Variants in TTC29 observed in about 807,000 individuals in gnomAD.
TTC29 encodes tetratricopeptide repeat protein 29.
TTC29 carries 49 observed loss-of-function variants against 58.1 expected under a neutral mutation model. The ratio of observed to expected loss-of-function variants is 0.84; its 90% CI spans 0.67 to 1.07. The LOEUF (loss-of-function observed/expected upper bound fraction) is 1.07. TTC29 is among the 50% of genes least tolerant of loss of function. TTC29 has a pLI of 0.00. For synonymous variants in TTC29, 209 were observed against 196.8 expected (o/e 1.06, Z -0.52); for missense variants, 582 against 555.6 (o/e 1.05, Z -0.48).
chr4:146,733,641 C>T (rs1744508708), intron 11 of TTC29, among the ~76,000 whole-genome samples: 1 of 152,106 alleles, frequency 6.6e-6, no homozygotes. Flanking sequence ...AACTGGCTTT[C>T]ATCTTAAGGA....
intron 8 of TTC29, among the ~76,000 whole-genome samples, chr4:146,859,112 A>G (rs1402054754): frequency 6.6e-6 from 1 of 152,162 alleles, no homozygotes. Flanking sequence ...TGCAGCCAGG[A>G]GATGATAGGG....
chr4:146,894,741 T>G (rs1009462487), intron 6 of TTC29, among the ~76,000 whole-genome samples: 1 of 152,102 alleles, frequency 6.6e-6, no homozygotes, highest in Admixed American at 6.6e-5. Flanking sequence ...TAGTTCCTTA[T>G]AGCAATGTGA....
At chr4:146,838,244 GA>G (rs1349819779) in intron 8 of TTC29, among the ~76,000 whole-genome samples, 1 of 151,852 alleles carries the variant, frequency 6.6e-6, no homozygotes, top group Non-Finnish European at 1.5e-5. Flanking sequence ...ATACTCATCA[GA>G]AAAAAATGAG....
intron 11 of TTC29, among the ~76,000 whole-genome samples, chr4:146,796,862 A>G (rs1382615925): frequency 6.6e-6 from 1 of 152,166 alleles, no homozygotes; most frequent in East Asian, 1.9e-4. Context: ...CTCATAGCAA[A>G]TAGAAAGCCA....
chr4:146,882,670 T>G, intron 6 of TTC29, among the ~76,000 whole-genome samples: 1 of 152,074 alleles, frequency 6.6e-6, no homozygotes, highest in Non-Finnish European at 1.5e-5. Flanking sequence ...TCAATTTGAT[T>G]TCTATATGTT....
chr4:146,791,539 G>A (rs76211377), intron 11 of TTC29, among the ~76,000 whole-genome samples: 1 of 151,910 alleles, frequency 6.6e-6, no homozygotes, highest in Non-Finnish European at 1.5e-5. Flanking sequence ...CCCCCTCCTT[G>A]GGCCTCCCTA....
intron 4 of TTC29, among the ~76,000 whole-genome samples, chr4:146,930,084 C>CATATATATATATATATATAT (rs70958534): frequency 1.4e-4 from 11 of 77,456 alleles, no homozygotes; most frequent in African/African-American, 3.0e-4. Context: ...TGTGTGTGTG[C>CATATATATATATATATATAT]ATATATATAT....
chr4:146,753,294 TG>T (rs1252040933), intron 11 of TTC29, among the ~76,000 whole-genome samples: 1 of 152,014 alleles, frequency 6.6e-6, no homozygotes, highest in East Asian at 1.9e-4. Context: ...AAAAAACACA[TG>T]AAAAAATGCT....
chr4:146,728,663 T>C (rs1046349740), intron 11 of TTC29, among the ~76,000 whole-genome samples: 4 of 148,396 alleles, frequency 2.7e-5, no homozygotes, highest in African/African-American at 9.9e-5. Context: ...TCTCTCTCTA[T>C]ATATATACAC....
chr4:146,804,213 G>C (rs577402693), intron 10 of TTC29, among the ~76,000 whole-genome samples: 1 of 152,286 alleles, frequency 6.6e-6, no homozygotes, highest in East Asian at 1.9e-4. Flanking sequence ...GTGCTCTGTG[G>C]CCCAGGTATT....
At chr4:146,831,779 A>C in intron 9 of TTC29, 2 of 444,090 alleles carry the variant, frequency 4.5e-6, no homozygotes, top group South Asian at 1.6e-5. Flanking sequence ...AATTATTTGA[A>C]GACAGACTCA....
rs1487352356 is a variant in TTC29, at chr4:146,758,117, C to T, written c.1330+45340G>A. 3.3e-5 allele frequency among the ~76,000 whole-genome samples: 5 copies of T among 152,024 alleles called. No homozygotes were observed. The East Asian group carries it at 9.6e-4, about 29-fold the overall frequency. ...AGGAGACTTACCTAGAACATATGGACTCACATAAACTTAAAGGGGTGGAAA... is the reference window on the plus strand; with the variant it reads ...AGGAGACTTACCTAGAACATATGGATTCACATAAACTTAAAGGGGTGGAAA... On this transcript the variant is annotated intron_variant, in intron 11 of 12. Coordinates refer to ENST00000325106, the MANE Select transcript of TTC29 (RefSeq NM_031956.4).
intron 6 of TTC29, among the ~76,000 whole-genome samples, chr4:146,895,670 CT>C (rs1234686006): frequency 6.6e-6 from 1 of 152,114 alleles, no homozygotes; most frequent in African/African-American, 2.4e-5. Flanking sequence ...AGAATAGAGA[CT>C]CTGATTAGAA....
At chr4:146,857,617 G>T (rs890050975) in intron 8 of TTC29, among the ~76,000 whole-genome samples, 10 of 152,104 alleles carry the variant, frequency 6.6e-5, no homozygotes, top group Non-Finnish European at 1.3e-4. Flanking sequence ...ATGATAACCA[G>T]CCATCCTCTG....
intron 6 of TTC29, among the ~76,000 whole-genome samples, chr4:146,876,062 G>A (rs10001365): frequency 0.48 from 73,695 of 152,004 alleles, 18,721 homozygotes; most frequent in African/African-American, 0.62. Flanking sequence ...TGTGGGCTCC[G>A]AGCAGACAGC....
At chr4:146,817,233 G>C (rs1487713560) in intron 10 of TTC29, among the ~76,000 whole-genome samples, 2 of 152,206 alleles carry the variant, frequency 1.3e-5, no homozygotes, top group African/African-American at 2.4e-5. Flanking sequence ...CTTCAGCAAA[G>C]TCTCAGGGTA....
intron 4 of TTC29, among the ~76,000 whole-genome samples, chr4:146,924,153 A>G (rs1275051127): frequency 1.3e-5 from 2 of 151,908 alleles, no homozygotes; most frequent in Admixed American, 1.3e-4. Context: ...AATATACTTA[A>G]TACACTTAAA....
chr4:146,827,407 G>A (rs368268702), intron 9 of TTC29, among the ~76,000 whole-genome samples: 1 of 152,288 alleles, frequency 6.6e-6, no homozygotes, highest in East Asian at 1.9e-4. Context: ...TTTCAAAGAA[G>A]TTTATTTTAA....
chr4:146,913,652 G>A (rs1485108722), intron 4 of TTC29, among the ~76,000 whole-genome samples: 1 of 152,082 alleles, frequency 6.6e-6, no homozygotes, highest in East Asian at 1.9e-4. Context: ...AGATTCTCTC[G>A]TAGTTCCTGC....
Sources: allele counts gnomAD v4.1 joint callset (sites outside exome capture counted in the v4.1 genomes callset), GRCh38; gene constraint gnomAD v4.1.1; transcripts MANE v1.5; gene names NCBI Gene and HGNC (gene_info 2026-07-23, HGNC 2026-07-21).